RINT1: variants seen among roughly 807,000 people sequenced by gnomAD.
RINT1 encodes the protein RAD50-interacting protein 1.
Under a neutral mutation model 97.7 loss-of-function variants are expected in RINT1, and 75 were observed. The observed-to-expected ratio is 0.77, with a 90% CI of 0.64 to 0.93. RINT1 has a LOEUF of 0.93. RINT1 is among the 40% of genes least tolerant of loss of function. The pLI, the probability that RINT1 is intolerant of heterozygous loss-of-function variation, is 0.00. For missense variants in RINT1, 892 were observed against 925.2 expected (o/e 0.96, Z 0.47); for synonymous variants, 303 against 326.3 (o/e 0.93, Z 0.77).
chr7:105,542,531 A>G lies in RINT1; in HGVS notation c.397A>G (p.Ser133Gly). 6.2e-7 allele frequency: 1 copy of G among 1,614,200 alleles called. No homozygotes were observed. The highest frequency in any genetic ancestry group is 8.5e-7 in the Non-Finnish European group (1 of 1,180,016). ...QETHLFSAIN[S>G]HLLTAQPWMD... ...AACTCATCTCTTCAGCGCCATTAAC[A>G]GCCATTTGCTGACTGCGCAACCTTG... Residue 133 changes from serine to glycine, a missense_variant, in exon 4 of 15, where the codon AGC (serine) becomes GGC (glycine). By Grantham distance (56) the Ser-to-Gly change is moderately conservative (BLOSUM62 0). Coordinates refer to ENST00000257700, the MANE Select transcript of RINT1 (RefSeq NM_021930.6).
intron 3 of RINT1, chr7:105,541,885 G>A (rs946798534): frequency 6.6e-6 from 1 of 152,334 alleles, no homozygotes; most frequent in East Asian, 1.9e-4. Flanking sequence ...CTACATGTAT[G>A]TGTATATGTA....
intron 4 of RINT1, among the ~76,000 whole-genome samples, chr7:105,543,080 C>T (rs1226008423): frequency 2.0e-5 from 3 of 151,602 alleles, no homozygotes; most frequent in African/African-American, 4.8e-5. Flanking sequence ...TTAGTAGAGA[C>T]GGGGTTTCAC....
At chr7:105,536,188 T>C (rs1245682760) in intron 2 of RINT1, among the ~76,000 whole-genome samples, 4 of 151,860 alleles carry the variant, frequency 2.6e-5, no homozygotes, top group Non-Finnish European at 5.9e-5. Flanking sequence ...ATACAGAGTC[T>C]GTCTGTGTCG....
chr7:105,551,281 C>T (rs1246245342), intron 9 of RINT1, among the ~76,000 whole-genome samples: 1 of 152,146 alleles, frequency 6.6e-6, no homozygotes, highest in Non-Finnish European at 1.5e-5. Context: ...AATCCACCCA[C>T]CTTGGCCTCC....
chr7:105,554,268 C>T lies in RINT1; in HGVS notation c.1472-760C>T, dbSNP rs1161973250. ...CAGGATGGTCTTGATCTCCTGACCT[C>T]GTGATCCACCCACCTCGGCCTCCCA... On this transcript the variant is annotated intron_variant, in intron 10 of 14. Transcript: ENST00000257700. Among the ~76,000 whole-genome samples the T allele has an allele frequency of 5.3e-5, 8 of 151,602 alleles. No homozygotes were observed. The South Asian group carries it at 6.2e-4, about 12-fold the overall frequency.
rs1791129261 is a variant in RINT1 at position 105,555,204 on chromosome 7, C to T, written c.1648C>T (p.Leu550=). ...TGCTGTGAACTACATCTCAACAGTA[C>T]TAGCAGATTGGGCTGACAATGTTGT... ...LNAVNYISTV[L]ADWADNVFFL... is the part of the protein sequence containing the mutation. The change falls in exon 11 of 15, where the codon CTA becomes TTA. Residue 550 remains leucine (L), a synonymous_variant. Transcript: ENST00000257700. 5 of 1,613,634 alleles carry T rather than the reference C, an allele frequency of 3.1e-6. No individual in the cohort carries two copies. The highest frequency in any genetic ancestry group is 1.3e-5 in the African/African-American group (1 of 74,900).
intron 11 of RINT1, among the ~76,000 whole-genome samples, chr7:105,559,166 GGGTGGATC>G (rs1791316535): frequency 1.3e-5 from 2 of 149,808 alleles, no homozygotes; most frequent in African/African-American, 5.1e-5. Context: ...AGGCCAAGGT[GGGTGGATC>G]ACCTGACGTC....
At chr7:105,563,551 C>T (rs1368637734) in intron 11 of RINT1, among the ~76,000 whole-genome samples, 182 bp from the exon 12 acceptor site, 1 of 151,952 alleles carries the variant, frequency 6.6e-6, no homozygotes, top group East Asian at 1.9e-4. Flanking sequence ...AGGATGGTTT[C>T]GAACTCCTGA....
rs1254818964 is a variant in RINT1, at chr7:105,555,230, G to T, written c.1671+3G>T. The T allele has an allele frequency of 6.2e-7, 1 of 1,609,004 alleles. No homozygotes were observed. Reference sequence around the variant, plus strand: ...TAGCAGATTGGGCTGACAATGTTGTGAGTTAATATGCTTTTATATTAAGTA... The same window carrying T: ...TAGCAGATTGGGCTGACAATGTTGTTAGTTAATATGCTTTTATATTAAGTA... On this transcript the variant is annotated splice_donor_region_variant and intron_variant, in intron 11 of 14. Transcript: ENST00000257700.
intron 11 of RINT1, among the ~76,000 whole-genome samples, chr7:105,556,798 T>G (rs1045597916): frequency 2.0e-5 from 3 of 152,220 alleles, no homozygotes; most frequent in African/African-American, 7.2e-5. Context: ...TCAAGGAATA[T>G]CCTGGCTATC....
At chr7:105,542,347 A>G (rs1790491192) in intron 3 of RINT1, 61 bp from the exon 4 acceptor site, 1 of 1,364,254 alleles carries the variant, frequency 7.3e-7, no homozygotes, top group East Asian at 2.3e-5. Context: ...AAAAAAAATT[A>G]TGAAAATTTT....
At chr7:105,552,549 C>T (rs1461499685) in intron 10 of RINT1, among the ~76,000 whole-genome samples, 2 of 152,086 alleles carry the variant, frequency 1.3e-5, no homozygotes, top group Non-Finnish European at 2.9e-5. Flanking sequence ...TGCCACTGGA[C>T]CCTCATTGCC....
chr7:105,549,038 A>G (rs910908512), intron 7 of RINT1, among the ~76,000 whole-genome samples: 1 of 150,812 alleles, frequency 6.6e-6, no homozygotes, highest in Non-Finnish European at 1.5e-5. Flanking sequence ...CCCAGGCTGG[A>G]GTGCAGTGGC....
intron 11 of RINT1, among the ~76,000 whole-genome samples, chr7:105,560,533 T>C (rs1312704995): frequency 6.6e-6 from 1 of 152,134 alleles, no homozygotes; most frequent in East Asian, 1.9e-4. Context: ...AGTCAGAATT[T>C]TAATAGTAAA....
At chr7:105,560,062 T>G (rs1327885646) in intron 11 of RINT1, among the ~76,000 whole-genome samples, 1 of 152,188 alleles carries the variant, frequency 6.6e-6, no homozygotes, top group Non-Finnish European at 1.5e-5. Context: ...GATTTTAACT[T>G]TCTAAAAGGA....
chr7:105,545,892 C>T (rs987257688), intron 4 of RINT1, among the ~76,000 whole-genome samples: 2 of 151,076 alleles, frequency 1.3e-5, no homozygotes, highest in Non-Finnish European at 2.9e-5. Flanking sequence ...CAACCTCCGC[C>T]TCCCGGGTTC....
Position 105,532,297 on chromosome 7 carries a change from G to C in RINT1, c.-19G>C. 6.4e-7 allele frequency: 1 copy of C among 1,573,200 alleles called. No individual in the cohort carries two copies. Among genetic ancestry groups the C allele is most frequent in the Non-Finnish European group, 8.6e-7 (1 of 1,163,314 alleles). Reference sequence around the variant, plus strand: ...CCACGCTGGCTGCGAATGGAGCCGAGGACTCGCGCGGAGGCGAGATGCTAC... The same window carrying C: ...CCACGCTGGCTGCGAATGGAGCCGACGACTCGCGCGGAGGCGAGATGCTAC... On this transcript the variant is annotated 5_prime_UTR_variant, in exon 1 of 15. Coordinates refer to ENST00000257700, the MANE Select transcript of RINT1 (RefSeq NM_021930.6).
At position 105,563,736 on chromosome 7, in the gene RINT1, T is replaced by C. The variant is rs1362756178; in HGVS notation, c.1675T>C (p.Phe559Leu). Residue 559 changes from phenylalanine (F) to leucine (L), a missense_variant, in exon 12 of 15, where the codon TTT becomes CTT. By Grantham distance (22) the Phe-to-Leu change is conservative. Transcript: ENST00000257700. The stretch of plus-strand genomic sequence containing the variant: ...GTTAACATGTTTTTGCTTTCAGTTC[T>C]TTCTACAACTTCAACAGGCTGCACT... ...VLADWADNVFFLQLQQAALEV... is the reference protein window; with the variant it reads ...VLADWADNVFLLQLQQAALEV... 1.9e-6 allele frequency: 3 copies of C among 1,610,834 alleles called. No homozygotes were observed. The highest frequency in any genetic ancestry group is 1.7e-5 in the Admixed American group (1 of 59,292).
At chr7:105,561,298 C>T (rs1044229619) in intron 11 of RINT1, among the ~76,000 whole-genome samples, 1 of 151,946 alleles carries the variant, frequency 6.6e-6, no homozygotes, top group Non-Finnish European at 1.5e-5. Flanking sequence ...GAAGCCAAAG[C>T]GAGTGGATCA....
Sources: allele counts gnomAD v4.1 joint callset (sites outside exome capture counted in the v4.1 genomes callset), GRCh38; gene constraint gnomAD v4.1.1; transcripts MANE v1.5; gene names NCBI Gene and HGNC (gene_info 2026-07-23, HGNC 2026-07-21).